Variants in ZFAND5 observed in about 807,000 individuals in gnomAD.
ZFAND5 encodes the protein zinc finger AN1-type containing 5.
Under a neutral mutation model 23.6 loss-of-function variants are expected in ZFAND5, and 4 were observed. The ratio of observed to expected loss-of-function variants is 0.17; its 90% CI spans 0.08 to 0.39. The LOEUF (loss-of-function observed/expected upper bound fraction) is 0.39. ZFAND5 is among the 10% of genes least tolerant of loss of function. ZFAND5 has a pLI of 1.00. For synonymous variants in ZFAND5, 68 were observed against 80.6 expected (o/e 0.84, Z 0.84); for missense variants, 161 against 253.7 (o/e 0.63, Z 2.48).
intron 1 of ZFAND5, chr9:72,364,347 C>T: frequency 1.8e-6 from 2 of 1,112,988 alleles, no homozygotes; most frequent in Non-Finnish European, 2.2e-6. Flanking sequence ...GCGCGGCCGC[C>T]GCCTCGGCCT....
In ZFAND5 at chr9:72,355,455, T is replaced by C. The variant is rs1841917807; in HGVS notation, c.*498A>G. 2.0e-5 allele frequency: 3 copies of C among 152,812 alleles called. No homozygotes were observed. The highest frequency in any genetic ancestry group is 1.3e-4 in the Admixed American group (2 of 15,294). The allele number at this position is 152,812 out of a possible 1,614,324, so 9.5% of individuals were successfully genotyped here. On this transcript the variant is annotated 3_prime_UTR_variant, in exon 7 of 7. Coordinates refer to ENST00000376962, the MANE Select transcript of ZFAND5 (RefSeq NM_001102420.3). The stretch of plus-strand genomic sequence containing the variant: ...CACGGGAAAGAAGGTCTGATCCTCT[T>C]TATGAGCATTTCTTCCTGCTTCCAA...
Position 72,363,617 on chromosome 9 carries a change from G to C in ZFAND5, c.-146-11C>G, listed in dbSNP as rs1326906811. The C allele has an allele frequency of 2.1e-5, 21 of 982,990 alleles. No individual in the cohort carries two copies. The Admixed American group carries it at 1.2e-3, about 58-fold the overall frequency. 60.9% of individuals were successfully genotyped at this position (982,990 alleles called of 1,614,324 possible). On this transcript the variant is annotated splice_polypyrimidine_tract_variant and intron_variant, in intron 1 of 6. Transcript: ENST00000376962. ...GCTCCTTTTCAGGGCCTGGGAGATAGAAAACAGGAGACAACTACAAAGAAT... is the reference window on the plus strand; with the variant it reads ...GCTCCTTTTCAGGGCCTGGGAGATACAAAACAGGAGACAACTACAAAGAAT...
Position 72,355,806 on chromosome 9 carries a change from A to T in ZFAND5, c.*147T>A. 1 of 763,898 alleles carries T rather than the reference A, an allele frequency of 1.3e-6. No individual in the cohort carries two copies. Among genetic ancestry groups the T allele is most frequent in the Non-Finnish European group, 2.0e-6 (1 of 500,704 alleles). The allele number at this position is 763,898 out of a possible 1,614,324, so 47.3% of individuals were successfully genotyped here. A position where few individuals can be genotyped will look rare whatever the true frequency, so the allele number is the denominator to read the frequency against. The stretch of plus-strand genomic sequence containing the variant: ...TTCTGCCTGTAACAAACACCCAAAC[A>T]TCCTAAAATATCAATTATAAGACAG... On this transcript the variant is annotated 3_prime_UTR_variant, in exon 7 of 7. Transcript: ENST00000376962.
rs752051125 is a variant in ZFAND5 at position 72,360,852 on chromosome 9, G to A, written c.-9-65C>T. 1.1e-5 allele frequency: 16 copies of A among 1,419,920 alleles called. No individual in the cohort carries two copies. The African/African-American group carries it at 1.2e-4, about 10-fold the overall frequency. 88.0% of individuals were successfully genotyped at this position (1,419,920 alleles called of 1,614,324 possible). A position where few individuals can be genotyped will look rare whatever the true frequency, so the allele number is the denominator to read the frequency against. ...CAAAATATAGTCTAATATAATCATC[G>A]GTATACCGTTGTAATTGCTACGCAA... On this transcript the variant is annotated intron_variant, in intron 2 of 6. Transcript: ENST00000376962.
intron 2 of ZFAND5, among the ~76,000 whole-genome samples, chr9:72,363,158 G>C (rs1168854572): frequency 6.6e-6 from 1 of 152,130 alleles, no homozygotes; most frequent in Non-Finnish European, 1.5e-5. Context: ...GAGGATTTAG[G>C]GGATGAAGTG....
At chr9:72,358,202 T>C (rs1841998938) in intron 5 of ZFAND5, among the ~76,000 whole-genome samples, 1 of 152,118 alleles carries the variant, frequency 6.6e-6, no homozygotes, top group Admixed American at 6.5e-5. Context: ...AGAAATAGCC[T>C]AATATTAGAC....
chr9:72,364,598 G>T, intron 1 of ZFAND5, 98 bp downstream of exon 1: 1 of 1,231,390 alleles, frequency 8.1e-7, no homozygotes, highest in Non-Finnish European at 1.0e-6. Flanking sequence ...GGCCTGCTCC[G>T]GCTTCGCCAT....
Position 72,357,067 on chromosome 9 carries a change from C to A in ZFAND5, c.368-11G>T. ...TGGGCTGAGTGACAACTGAAAAGGA[C>A]AAAAACACAAATTTGTCAAGCATTC... On this transcript the variant is annotated splice_polypyrimidine_tract_variant and intron_variant, in intron 5 of 6. Transcript: ENST00000376962. The A allele has an allele frequency of 6.2e-7, 1 of 1,604,554 alleles. No homozygotes were observed. Among genetic ancestry groups the A allele is most frequent in the Admixed American group, 1.7e-5 (1 of 58,398 alleles).
At chr9:72,363,272 G>A (rs1842156211) in intron 2 of ZFAND5, among the ~76,000 whole-genome samples, 198 bp downstream of exon 2, 2 of 152,148 alleles carry the variant, frequency 1.3e-5, no homozygotes, top group South Asian at 4.1e-4. Flanking sequence ...GAGCATGCAC[G>A]TGTCAGCTCT....
intron 4 of ZFAND5, 87 bp from the exon 5 acceptor site, chr9:72,359,608 T>C (rs756193241): frequency 3.4e-5 from 42 of 1,247,920 alleles, no homozygotes; most frequent in East Asian, 1.5e-4. Context: ...CTTTAAATTA[T>C]AGAATATTTC....
intron 1 of ZFAND5, chr9:72,364,406 C>A: frequency 8.3e-7 from 1 of 1,205,868 alleles, no homozygotes; most frequent in Non-Finnish European, 1.0e-6. Flanking sequence ...GCCGCGGAGG[C>A]GAGCGGCCTA....
At chr9:72,361,679 A>G (rs3012507) in intron 2 of ZFAND5, among the ~76,000 whole-genome samples, 60,109 of 152,164 alleles carry the variant, frequency 0.4, 13,801 homozygotes, top group South Asian at 0.56. Flanking sequence ...CATAGCAAGC[A>G]TTTGTTTCCA....
chr9:72,363,581 G>T lies in ZFAND5; in HGVS notation c.-121C>A. 1 of 964,218 alleles carries T rather than the reference G, an allele frequency of 1.0e-6. No individual in the cohort carries two copies. Among genetic ancestry groups the T allele is most frequent in the Non-Finnish European group, 1.2e-6 (1 of 810,530 alleles). 59.7% of individuals were successfully genotyped at this position (964,218 alleles called of 1,614,324 possible). The stretch of plus-strand genomic sequence containing the variant: ...CCTCTTTGCCAAATGGAGTAGAATT[G>T]ACTTTTAAAGGCTCCTTTTCAGGGC... On this transcript the variant is annotated 5_prime_UTR_variant, in exon 2 of 7. Coordinates refer to ENST00000376962, the MANE Select transcript of ZFAND5 (RefSeq NM_001102420.3).
At chr9:72,360,522 T>A in intron 3 of ZFAND5, 106 bp downstream of exon 3, 1 of 1,464,458 alleles carries the variant, frequency 6.8e-7, no homozygotes, top group Non-Finnish European at 9.4e-7. Context: ...CAAGCTCTTA[T>A]CAGGTGTTCT....
chr9:72,356,856 G>A, intron 6 of ZFAND5, 75 bp downstream of exon 6: 2 of 1,468,200 alleles, frequency 1.4e-6, no homozygotes, highest in Non-Finnish European at 1.8e-6. Context: ...AGACCAACTA[G>A]TCTCTTAGGG....
At chr9:72,360,050 T>TACA in intron 4 of ZFAND5, 60 bp downstream of exon 4, 1 of 1,432,710 alleles carries the variant, frequency 7.0e-7, no homozygotes, top group Non-Finnish European at 9.7e-7. Flanking sequence ...ATTGGACCAG[T>TACA]ACAGACATCT....
rs1168580720 is a variant in ZFAND5 at position 72,352,780 on chromosome 9, T to C, written c.*3173A>G. 2 of 152,224 alleles carry C rather than the reference T, an allele frequency of 1.3e-5. No individual in the cohort carries two copies. The highest frequency in any genetic ancestry group is 2.9e-5 in the Non-Finnish European group (2 of 68,034). The allele number at this position is 152,224 out of a possible 1,614,324, so 9.4% of individuals were successfully genotyped here. On this transcript the variant is annotated 3_prime_UTR_variant, in exon 7 of 7. Transcript: ENST00000376962. The stretch of plus-strand genomic sequence containing the variant: ...CCATTATTCCAGAACATTAAGACAA[T>C]AGCAAATACAATGTGCCAGGCACAG...
At chr9:72,361,416 C>T (rs111927038) in intron 2 of ZFAND5, among the ~76,000 whole-genome samples, 156 of 152,288 alleles carry the variant, frequency 1.0e-3, no homozygotes, top group Non-Finnish European at 1.3e-3. Context: ...AGCTGGTTTA[C>T]GAAACTCCTT....
Position 72,352,313 on chromosome 9 carries a change from AAAC to A in ZFAND5, c.*3637_*3639del. ...GGGCGACGGAGCCTCTGTCTCAAACAAACAAAACAAAACAAAAACAGACAAGAG... is the reference window on the plus strand; with the variant it reads ...GGGCGACGGAGCCTCTGTCTCAAACAAAAACAAAACAAAAACAGACAAGAG... On this transcript the variant is annotated 3_prime_UTR_variant, in exon 7 of 7. Coordinates refer to ENST00000376962, the MANE Select transcript of ZFAND5 (RefSeq NM_001102420.3). 6.6e-6 allele frequency: 1 copy of A among 151,536 alleles called. No individual in the cohort carries two copies. Among genetic ancestry groups the A allele is most frequent in the East Asian group, 2.0e-4 (1 of 5,122 alleles). The allele number at this position is 151,536 out of a possible 1,614,324, so 9.4% of individuals were successfully genotyped here.
Sources: allele counts gnomAD v4.1 joint callset (sites outside exome capture counted in the v4.1 genomes callset), GRCh38; gene constraint gnomAD v4.1.1; transcripts MANE v1.5; gene names NCBI Gene and HGNC (gene_info 2026-07-23, HGNC 2026-07-21).